Variants in FBXW10B observed in about 807,000 individuals in gnomAD.
FBXW10B encodes F-box and WD repeat domain containing 10B.
At chr17:15,576,341 G>A in the FBXW10B span, among the ~76,000 whole-genome samples, 18 of 152,292 alleles carry the variant, frequency 1.2e-4, no homozygotes, top group African/African-American at 4.3e-4. Context: ...AGCACTGTCA[G>A]TTTTGTTTTT....
the FBXW10B span, among the ~76,000 whole-genome samples, chr17:15,584,972 T>TC: frequency 1.4e-5 from 2 of 145,652 alleles, no homozygotes; most frequent in South Asian, 4.2e-4. Context: ...CTTCTTCTTT[T>TC]TTTTTTTTTT....
the FBXW10B span, among the ~76,000 whole-genome samples, chr17:15,605,607 C>A: frequency 3.3e-5 from 5 of 152,154 alleles, no homozygotes; most frequent in Non-Finnish European, 7.3e-5. Context: ...CACTCTCATA[C>A]GATGACAAAA....
the FBXW10B span, chr17:15,594,610 G>C: frequency 2.1e-6 from 2 of 950,358 alleles, no homozygotes; most frequent in Non-Finnish European, 3.1e-6. Flanking sequence ...AGGTGGAAGA[G>C]GAGGGAAGCA....
At chr17:15,615,877 G>T in the FBXW10B span, 1 of 1,603,990 alleles carries the variant, frequency 6.2e-7, no homozygotes, top group Non-Finnish European at 8.5e-7. Flanking sequence ...GAGGTGGAGA[G>T]AAACTTTTTC....
At chr17:15,597,421 A>T in the FBXW10B span, among the ~76,000 whole-genome samples, 12 of 150,982 alleles carry the variant, frequency 7.9e-5, no homozygotes, top group African/African-American at 2.9e-4. Flanking sequence ...AGGTCAGGAA[A>T]TCGAGACCAG....
the FBXW10B span, chr17:15,613,982 A>C: frequency 6.3e-7 from 1 of 1,590,106 alleles, no homozygotes; most frequent in Admixed American, 1.7e-5. Flanking sequence ...TTTTCCAGAA[A>C]ACAGCCTATT....
the FBXW10B span, among the ~76,000 whole-genome samples, chr17:15,575,591 T>A: frequency 6.8e-6 from 1 of 146,010 alleles, no homozygotes; most frequent in South Asian, 2.1e-4. Flanking sequence ...TCTCTCTGCA[T>A]GGCGGCCCTT....
chr17:15,596,526 G>T, the FBXW10B span: 137 of 1,597,944 alleles, frequency 8.6e-5, no homozygotes, highest in African/African-American at 1.7e-3. Context: ...TTACCAACTG[G>T]GCCATGGCAA....
chr17:15,594,493 T>C, the FBXW10B span: 14 of 437,502 alleles, frequency 3.2e-5, no homozygotes, highest in African/African-American at 2.8e-4. Flanking sequence ...AAAAATTCAA[T>C]ATCTTCTCAA....
chr17:15,569,435 C>CTTTT, the FBXW10B span, among the ~76,000 whole-genome samples: 57 of 115,308 alleles, frequency 4.9e-4, no homozygotes, highest in East Asian at 0.011. Flanking sequence ...CGTATGTCTT[C>CTTTT]TTTTTTTCTT....
At chr17:15,599,173 CAAA>C in the FBXW10B span, among the ~76,000 whole-genome samples, 4 of 69,216 alleles carry the variant, frequency 5.8e-5, no homozygotes, top group African/African-American at 5.7e-5. Flanking sequence ...GACTCTGTCT[CAAA>C]AAAAAAAAAA....
chr17:15,613,652 G>A, the FBXW10B span: 12 of 1,594,320 alleles, frequency 7.5e-6, no homozygotes, highest in South Asian at 3.4e-5. Context: ...GAAGCCGTGC[G>A]CTGACAAGTC....
the FBXW10B span, among the ~76,000 whole-genome samples, chr17:15,575,780 A>G: frequency 6.6e-6 from 1 of 151,948 alleles, no homozygotes; most frequent in African/African-American, 2.4e-5. Context: ...TATAAGGACA[A>G]TTAAGCATTA....
the FBXW10B span, among the ~76,000 whole-genome samples, chr17:15,602,214 A>G: frequency 6.6e-6 from 1 of 152,158 alleles, no homozygotes; most frequent in African/African-American, 2.4e-5. Context: ...ACAGTTTTCA[A>G]GGAGGGGGAT....
chr17:15,589,106 G>A, the FBXW10B span: 9 of 1,565,324 alleles, frequency 5.7e-6, no homozygotes, highest in Non-Finnish European at 7.9e-6. Flanking sequence ...GCGATGTGGA[G>A]TCTCACATGA....
the FBXW10B span, among the ~76,000 whole-genome samples, chr17:15,603,839 G>A: frequency 4.0e-5 from 6 of 149,410 alleles, no homozygotes; most frequent in South Asian, 2.2e-4. Context: ...TTAGGAGGCC[G>A]AGGCGGGTGG....
the FBXW10B span, chr17:15,594,831 G>A: frequency 9.9e-6 from 16 of 1,614,042 alleles, no homozygotes; most frequent in Middle Eastern, 3.3e-4. Flanking sequence ...TGCTTCCTGA[G>A]AGGAGATGCC....
chr17:15,607,818 A>G, the FBXW10B span: 3 of 716,640 alleles, frequency 4.2e-6, no homozygotes, highest in Non-Finnish European at 6.8e-6. Context: ...GCTGCTCTGC[A>G]GAGAAGGGAG....
the FBXW10B span, among the ~76,000 whole-genome samples, chr17:15,590,801 C>G: frequency 1.3e-5 from 2 of 152,086 alleles, no homozygotes; most frequent in Non-Finnish European, 2.9e-5. Flanking sequence ...AGGGTGTAGC[C>G]CCACTTCAGC....
Sources: gnomAD v4.1 joint callset for allele counts (sites outside exome capture counted in the v4.1 genomes callset) on GRCh38, gnomAD v4.1.1 for gene constraint, MANE v1.5 for transcripts, NCBI Gene and HGNC (gene_info 2026-07-23, HGNC 2026-07-21) for gene names.